HIP1: variants seen among roughly 807,000 people sequenced by gnomAD.
HIP1 encodes huntingtin-interacting protein 1.
A neutral mutation model predicts 147.6 loss-of-function variants in HIP1; 65 were observed. The observed-to-expected ratio is 0.44, with a 90% CI of 0.36 to 0.54. The LOEUF (loss-of-function observed/expected upper bound fraction) is 0.54. Among genes scored for constraint, HIP1 ranks in the 20% least tolerant of loss-of-function variants. HIP1 has a pLI of 0.00. For synonymous variants in HIP1, 479 were observed against 504.0 expected (o/e 0.95, Z 0.67); for missense variants, 1,061 against 1,299.6 (o/e 0.82, Z 2.82).
intron 1 of HIP1, among the ~76,000 whole-genome samples, chr7:75,729,414 G>A (rs1259085249): frequency 6.6e-6 from 1 of 150,974 alleles, no homozygotes; most frequent in Non-Finnish European, 1.5e-5. Flanking sequence ...TTGAGCCCAG[G>A]AATTCGAGGC....
rs138335070 is a variant in HIP1, at chr7:75,542,934, T to C, written c.2807A>G (p.Gln936Arg). The change falls in exon 28 of 31, where the codon CAG becomes CGG. Residue 936 changes from glutamine to arginine, a missense_variant. This residue lies in a region of HIP1 where 810 missense variants were observed against 946.8 expected (regional missense o/e 0.86). Transcript: ENST00000336926. ...DKDSPNLAQLQQASRGVNQAT... is the reference protein window; with the variant it reads ...DKDSPNLAQLRQASRGVNQAT... The stretch of plus-strand genomic sequence containing the variant: ...CTGGTTCACTCCCCGAGAGGCCTGC[T>C]GCAGCTGGGCTAGGTTGGGGCTGTC... 7.8e-4 allele frequency: 1,267 copies of C among 1,614,088 alleles called. 7 individuals carry two copies. In the African/African-American group the frequency reaches 0.015, roughly 19 times the overall value.
chr7:75,632,682 G>A (rs1554509122), intron 1 of HIP1, among the ~76,000 whole-genome samples: 1 of 151,778 alleles, frequency 6.6e-6, no homozygotes, highest in African/African-American at 2.4e-5. Flanking sequence ...ACAGGTGTGA[G>A]CCACTGTGCC....
At chr7:75,562,547 A>G (rs896803090) in intron 11 of HIP1, among the ~76,000 whole-genome samples, 2 of 152,052 alleles carry the variant, frequency 1.3e-5, no homozygotes, top group African/African-American at 4.8e-5. Context: ...ATAACAGCTC[A>G]CTGTAGCCTT....
intron 1 of HIP1, among the ~76,000 whole-genome samples, chr7:75,686,197 G>C (rs1255220702): frequency 2.6e-5 from 4 of 152,200 alleles, no homozygotes; most frequent in Non-Finnish European, 4.4e-5. Flanking sequence ...GCCCCAGCCT[G>C]TGGCCTTTTT....
intron 1 of HIP1, among the ~76,000 whole-genome samples, chr7:75,708,888 C>T (rs1554519919): frequency 6.6e-6 from 1 of 151,962 alleles, no homozygotes; most frequent in Non-Finnish European, 1.5e-5. Context: ...TCTGTTTCTG[C>T]AAAAACATTA....
At chr7:75,712,510 T>G (rs1801190149) in intron 1 of HIP1, among the ~76,000 whole-genome samples, 1 of 152,208 alleles carries the variant, frequency 6.6e-6, no homozygotes, top group Non-Finnish European at 1.5e-5. Context: ...AGAGTCATCC[T>G]GGAGAACAGC....
chr7:75,597,671 C>T (rs1051654162), intron 2 of HIP1, among the ~76,000 whole-genome samples: 2 of 134,250 alleles, frequency 1.5e-5, no homozygotes, highest in African/African-American at 2.8e-5. Context: ...GCCTGGAAGG[C>T]GGAGGTTGCG....
chr7:75,731,791 C>T (rs1459166538), intron 1 of HIP1, among the ~76,000 whole-genome samples: 11 of 152,084 alleles, frequency 7.2e-5, no homozygotes, highest in Non-Finnish European at 1.6e-4. Context: ...ACCCAAAGTC[C>T]GTGGGGTGCC....
chr7:75,605,135 G>A (rs188922575), intron 1 of HIP1, among the ~76,000 whole-genome samples: 1 of 152,266 alleles, frequency 6.6e-6, no homozygotes, highest in East Asian at 1.9e-4. Context: ...AGGAACTCTG[G>A]GGTCTGGAGG....
At chr7:75,711,253 A>G (rs2117351838) in intron 1 of HIP1, among the ~76,000 whole-genome samples, 1 of 152,338 alleles carries the variant, frequency 6.6e-6, no homozygotes, top group East Asian at 1.9e-4. Flanking sequence ...TTAGATTGCA[A>G]CATCACTTGA....
chr7:75,622,879 ATC>A (rs1797896512), intron 1 of HIP1, among the ~76,000 whole-genome samples: 1 of 140,736 alleles, frequency 7.1e-6, no homozygotes, highest in South Asian at 2.2e-4. Context: ...CTATCTATCT[ATC>A]TATCTATCTA....
At chr7:75,630,489 T>G (rs1240347561) in intron 1 of HIP1, among the ~76,000 whole-genome samples, 1 of 151,626 alleles carries the variant, frequency 6.6e-6, no homozygotes, top group African/African-American at 2.4e-5. Flanking sequence ...ATTTGTGTTC[T>G]GTATCCTGGA....
At chr7:75,587,602 T>C (rs1796332754) in intron 4 of HIP1, among the ~76,000 whole-genome samples, 1 of 152,206 alleles carries the variant, frequency 6.6e-6, no homozygotes, top group Non-Finnish European at 1.5e-5. Context: ...ACATTCCTTA[T>C]AGCACAATCT....
At chr7:75,612,626 T>C (rs1797482651) in intron 1 of HIP1, among the ~76,000 whole-genome samples, 1 of 151,310 alleles carries the variant, frequency 6.6e-6, no homozygotes, top group African/African-American at 2.4e-5. Flanking sequence ...CTGACCAACA[T>C]GGTGAAACCC....
chr7:75,665,104 AT>A (rs1167230939), intron 1 of HIP1, among the ~76,000 whole-genome samples: 2 of 152,106 alleles, frequency 1.3e-5, no homozygotes, highest in African/African-American at 2.4e-5. Flanking sequence ...TACAAAAAAA[AT>A]TTAAAAATTA....
At chr7:75,686,334 TA>T (rs1451440260) in intron 1 of HIP1, among the ~76,000 whole-genome samples, 1 of 152,350 alleles carries the variant, frequency 6.6e-6, no homozygotes, top group South Asian at 2.1e-4. Flanking sequence ...TATTCTCTCG[TA>T]TTTTTTTTGA....
intron 1 of HIP1, among the ~76,000 whole-genome samples, chr7:75,599,898 C>T (rs587644940): frequency 1.2e-4 from 18 of 147,794 alleles, no homozygotes; most frequent in African/African-American, 4.0e-4. Flanking sequence ...TGCAGTGGCC[C>T]GATCTTGGCT....
At chr7:75,635,691 A>G (rs1798401461) in intron 1 of HIP1, among the ~76,000 whole-genome samples, 1 of 152,064 alleles carries the variant, frequency 6.6e-6, no homozygotes, top group Non-Finnish European at 1.5e-5. Flanking sequence ...TTCATGATAC[A>G]GATGAGGGTA....
chr7:75,544,312 C>T (rs1554490491), intron 27 of HIP1, among the ~76,000 whole-genome samples: 1 of 152,140 alleles, frequency 6.6e-6, no homozygotes, highest in East Asian at 1.9e-4. Context: ...CATCCAAGTA[C>T]TATCTAACCT....
Sources: gnomAD v4.1 joint callset for allele counts (sites outside exome capture counted in the v4.1 genomes callset) on GRCh38, gnomAD v4.1.1 for gene constraint, gnomAD v4.1.1 regional missense constraint, MANE v1.5 for transcripts, NCBI Gene and HGNC (gene_info 2026-07-23, HGNC 2026-07-21) for gene names.